The following TENM3 variants were observed in gnomAD, a reference collection of about 807,000 sequenced individuals.
TENM3 encodes teneurin transmembrane protein 3, also known as teneurin-3.
Under a neutral mutation model 255.1 loss-of-function variants are expected in TENM3, and 63 were observed. The ratio of observed to expected loss-of-function variants is 0.25; its 90% CI spans 0.20 to 0.30. The LOEUF (loss-of-function observed/expected upper bound fraction) is 0.30. Ranked by LOEUF, TENM3 falls within the 10% of genes least tolerant of loss-of-function variation. The probability of loss-of-function intolerance (pLI) is 1.00; values close to 1 mark genes in which losing one functional copy is unlikely to be tolerated. For missense variants in TENM3, 2,929 were observed against 3,461.1 expected (o/e 0.85, Z 3.86); for synonymous variants, 1,306 against 1,322.3 (o/e 0.99, Z 0.27).
chr4:182,184,422 T>G lies in TENM3; in HGVS notation c.-76+39668T>G, dbSNP rs1461996931. On this transcript the variant is annotated intron_variant, in intron 1 of 2. Coordinates refer to the TENM3 transcript ENST00000512480. ...CCAAAAATTGCCCTTTCATCACAGA[T>G]GTAAGCACTTAATAAAACGCATTTG... Among the ~76,000 whole-genome samples, 5 of 150,924 alleles carry G rather than the reference T, an allele frequency of 3.3e-5. No homozygotes were observed. The East Asian group carries it at 9.6e-4, about 29-fold the overall frequency.
intron 11 of TENM3, among the ~76,000 whole-genome samples, chr4:182,683,479 T>TA (rs1157302555): frequency 6.6e-6 from 1 of 152,158 alleles, no homozygotes; most frequent in East Asian, 1.9e-4. Context: ...TCTGCAAATA[T>TA]TATAACATCT....
the TENM3 span, among the ~76,000 whole-genome samples, chr4:181,449,189 A>C: frequency 6.6e-6 from 1 of 152,228 alleles, no homozygotes; most frequent in Admixed American, 6.5e-5. Flanking sequence ...AAAAACTAAA[A>C]ATACCTTAAT....
intron 16 of TENM3, among the ~76,000 whole-genome samples, chr4:182,731,617 C>CA (rs899828461): frequency 4.7e-5 from 7 of 149,686 alleles, no homozygotes; most frequent in Admixed American, 2.7e-4. Context: ...AAAACAAAAC[C>CA]AAAAAAAACC....
chr4:181,738,319 C>T, the TENM3 span, among the ~76,000 whole-genome samples: 1 of 152,066 alleles, frequency 6.6e-6, no homozygotes, highest in African/African-American at 2.4e-5. Flanking sequence ...AATATAACAC[C>T]AATGAGAAAC....
At chr4:181,709,794 A>G in the TENM3 span, among the ~76,000 whole-genome samples, 2 of 152,194 alleles carry the variant, frequency 1.3e-5, no homozygotes, top group East Asian at 3.9e-4. Context: ...TAGATTCAGG[A>G]CTTATTTTTT....
intron 24 of TENM3, among the ~76,000 whole-genome samples, chr4:182,786,718 A>G (rs1241507582): frequency 6.6e-6 from 1 of 152,190 alleles, no homozygotes; most frequent in African/African-American, 2.4e-5. Flanking sequence ...GCAGTAAAGA[A>G]TTAATACAAA....
chr4:181,448,008 G>A, the TENM3 span, among the ~76,000 whole-genome samples: 1 of 151,812 alleles, frequency 6.6e-6, no homozygotes, highest in African/African-American at 2.4e-5. Context: ...TGCTACAAAT[G>A]GAAACTCGCA....
Position 182,644,737 on chromosome 4 carries a change from G to A in TENM3, c.989-9034G>A, listed in dbSNP as rs573810629. On this transcript the variant is annotated intron_variant, in intron 5 of 27. Coordinates refer to ENST00000511685, the MANE Select transcript of TENM3 (RefSeq NM_001080477.4). ...ATCTACAGAAACATACTAAGAGTTT[G>A]CAGAATAATTTTTTAATTACATAAG... Among the ~76,000 whole-genome samples the A allele has an allele frequency of 2.4e-4, 36 of 152,196 alleles. 1 individual carries two copies. The South Asian group carries it at 7.0e-3, about 30-fold the overall frequency.
the TENM3 span, among the ~76,000 whole-genome samples, chr4:181,794,925 C>G: frequency 2.0e-5 from 3 of 152,248 alleles, no homozygotes; most frequent in Admixed American, 1.3e-4. Context: ...CAAATCCCAG[C>G]TGCATCAGTC....
the TENM3 span, among the ~76,000 whole-genome samples, chr4:181,920,496 A>AT: frequency 2.6e-5 from 4 of 151,942 alleles, no homozygotes; most frequent in African/African-American, 9.7e-5. Flanking sequence ...GATGGTGAGC[A>AT]TTTTTTCATG....
chr4:182,059,773 A>G, the TENM3 span, among the ~76,000 whole-genome samples: 3 of 149,876 alleles, frequency 2.0e-5, no homozygotes, highest in South Asian at 2.1e-4. Context: ...GAAAAAAAAA[A>G]AAAAGAAAAA....
chr4:181,699,501 T>C, the TENM3 span, among the ~76,000 whole-genome samples: 1 of 135,572 alleles, frequency 7.4e-6, no homozygotes, highest in African/African-American at 2.7e-5. Flanking sequence ...ATACTTTAGA[T>C]ACATTGCTAA....
At chr4:181,862,563 T>C in the TENM3 span, among the ~76,000 whole-genome samples, 1 of 152,102 alleles carries the variant, frequency 6.6e-6, no homozygotes, top group East Asian at 1.9e-4. Flanking sequence ...CCAACTGCTA[T>C]GAGAAGCAAG....
rs777418367 is a variant in TENM3 at position 182,714,219 on chromosome 4, A to G, written c.2354A>G (p.Lys785Arg). 3 of 1,612,872 alleles carry G rather than the reference A, an allele frequency of 1.9e-6. No homozygotes were observed. The highest frequency in any genetic ancestry group is 1.7e-5 in the Admixed American group (1 of 59,908). ...ATGGAGACTCTTTGCACAGATAGCA[A>G]GGACAATGAAGGAGGTAAGAAATAC... ...VAMETLCTDS[K>R]DNEGDGLIDC... Residue 785 changes from lysine to arginine, a missense_variant, in exon 13 of 28, where the codon AAG becomes AGG. Lys to Arg is a conservative substitution (Grantham distance 26). Coordinates refer to ENST00000511685, the MANE Select transcript of TENM3 (RefSeq NM_001080477.4).
chr4:181,501,384 GT>G, the TENM3 span, among the ~76,000 whole-genome samples: 287 of 143,282 alleles, frequency 2.0e-3, 1 homozygote, highest in African/African-American at 4.5e-3. Context: ...TTCCTTTTTT[GT>G]TTTTTTTTTT....
chr4:181,663,051 C>T, the TENM3 span, among the ~76,000 whole-genome samples: 3 of 152,122 alleles, frequency 2.0e-5, no homozygotes, highest in South Asian at 4.2e-4. Context: ...ATTTCCTGGT[C>T]TCCGTTTTTG....
chr4:181,588,715 G>A, the TENM3 span, among the ~76,000 whole-genome samples: 2 of 152,180 alleles, frequency 1.3e-5, no homozygotes, highest in African/African-American at 2.4e-5. Flanking sequence ...AGAAGAAAAA[G>A]TAGATCATGG....
chr4:182,194,448 G>A (rs1424967484), intron 1 of TENM3, among the ~76,000 whole-genome samples: 4 of 152,050 alleles, frequency 2.6e-5, no homozygotes, highest in Admixed American at 1.3e-4. Flanking sequence ...TTGAGAAAGA[G>A]AAAAACATCT....
At chr4:182,336,085 C>T (rs916307996) in intron 2 of TENM3, among the ~76,000 whole-genome samples, 1 of 152,090 alleles carries the variant, frequency 6.6e-6, no homozygotes, top group Non-Finnish European at 1.5e-5. Context: ...TCAATGGAAG[C>T]GGCTACTGTA....
Sources: allele counts gnomAD v4.1 joint callset (sites outside exome capture counted in the v4.1 genomes callset), GRCh38; gene constraint gnomAD v4.1.1; transcripts MANE v1.5; gene names NCBI Gene and HGNC (gene_info 2026-07-23, HGNC 2026-07-21).